The following TAFA1 variants were observed in gnomAD, a reference collection of about 807,000 sequenced individuals.
TAFA1 encodes the protein TAFA chemokine like family member 1.
Under a neutral mutation model 18.5 loss-of-function variants are expected in TAFA1, and 4 were observed. The ratio of observed to expected loss-of-function variants is 0.22; its 90% confidence interval spans 0.11 to 0.49. The LOEUF is 0.49. Among genes scored for constraint, TAFA1 ranks in the 20% least tolerant of loss-of-function variants. TAFA1 has a pLI of 0.98. For missense variants in TAFA1, 147 were observed against 169.0 expected (o/e 0.87, Z 0.72); for synonymous variants, 56 against 55.2 (o/e 1.01, Z -0.06).
chr3:68,465,082 T>C (rs1386074922), intron 3 of TAFA1, among the ~76,000 whole-genome samples: 1 of 152,098 alleles, frequency 6.6e-6, no homozygotes, highest in Non-Finnish European at 1.5e-5. Flanking sequence ...GGCGTGGGCA[T>C]GTGGCTTTAT....
intron 2 of TAFA1, among the ~76,000 whole-genome samples, chr3:68,393,319 C>A (rs1041634588): frequency 2.0e-5 from 3 of 151,802 alleles, no homozygotes; most frequent in African/African-American, 7.3e-5. Flanking sequence ...GAAGTCAAAT[C>A]CCTGAATAGA....
intron 2 of TAFA1, among the ~76,000 whole-genome samples, chr3:68,112,588 G>C (rs1206341304): frequency 6.6e-6 from 1 of 151,984 alleles, no homozygotes; most frequent in Non-Finnish European, 1.5e-5. Flanking sequence ...AAAGATGCCT[G>C]CTATAAACAT....
chr3:68,496,248 T>C (rs2137181), intron 3 of TAFA1, among the ~76,000 whole-genome samples: 29,039 of 152,060 alleles, frequency 0.19, 2,896 homozygotes, highest in Non-Finnish European at 0.21. Flanking sequence ...TTCCAGAAGA[T>C]GCTGTTTCTA....
chr3:68,516,398 T>C (rs2072920724), intron 3 of TAFA1, among the ~76,000 whole-genome samples: 1 of 152,222 alleles, frequency 6.6e-6, no homozygotes, highest in African/African-American at 2.4e-5. Flanking sequence ...AACTGAGCTG[T>C]CCTTCAAGAA....
At chr3:68,155,009 C>A (rs897114661) in intron 2 of TAFA1, among the ~76,000 whole-genome samples, 4 of 152,106 alleles carry the variant, frequency 2.6e-5, no homozygotes, top group African/African-American at 9.7e-5. Flanking sequence ...CGGGGTTATG[C>A]CTTATCAACA....
chr3:68,238,654 T>G (rs1440081197), intron 2 of TAFA1, among the ~76,000 whole-genome samples: 1 of 152,208 alleles, frequency 6.6e-6, no homozygotes. Context: ...ATTGTTTTGT[T>G]AATCCTTTCC....
intron 3 of TAFA1, among the ~76,000 whole-genome samples, chr3:68,418,942 G>A (rs1488124943): frequency 1.3e-5 from 2 of 152,206 alleles, no homozygotes; most frequent in Non-Finnish European, 2.9e-5. Flanking sequence ...TTAAACTTAC[G>A]AGGTTCTGGC....
chr3:68,093,312 C>A (rs2065049613), intron 2 of TAFA1, among the ~76,000 whole-genome samples: 1 of 152,090 alleles, frequency 6.6e-6, no homozygotes, highest in South Asian at 2.1e-4. Flanking sequence ...CCTACTTCCT[C>A]TTTCCTGTCC....
At chr3:68,388,649 T>C (rs1048451471) in intron 2 of TAFA1, among the ~76,000 whole-genome samples, 1 of 152,174 alleles carries the variant, frequency 6.6e-6, no homozygotes, top group Non-Finnish European at 1.5e-5. Flanking sequence ...GCTAACAGGA[T>C]CTTTGTTTTG....
chr3:68,405,529 T>C (rs920303075), intron 2 of TAFA1, among the ~76,000 whole-genome samples: 4 of 149,218 alleles, frequency 2.7e-5, no homozygotes, highest in Non-Finnish European at 3.0e-5. Flanking sequence ...CGCCCATCTC[T>C]ACAAAAATAC....
chr3:68,445,388 T>G (rs1236383337), intron 3 of TAFA1, among the ~76,000 whole-genome samples: 3 of 152,170 alleles, frequency 2.0e-5, no homozygotes, highest in African/African-American at 7.2e-5. Context: ...CACTGAAGGA[T>G]TATCTACTTT....
intron 2 of TAFA1, among the ~76,000 whole-genome samples, chr3:68,340,002 T>C (rs1210946539): frequency 6.6e-6 from 1 of 152,256 alleles, no homozygotes; most frequent in African/African-American, 2.4e-5. Flanking sequence ...TCCTATCCTT[T>C]TTATTTTCTT....
chr3:68,308,681 A>G (rs571214161), intron 2 of TAFA1, among the ~76,000 whole-genome samples: 1 of 152,270 alleles, frequency 6.6e-6, no homozygotes, highest in East Asian at 1.9e-4. Context: ...TGTCATTCTC[A>G]TCAAATGATT....
chr3:68,520,021 T>C (rs752404536), intron 3 of TAFA1, among the ~76,000 whole-genome samples: 2 of 152,192 alleles, frequency 1.3e-5, no homozygotes, highest in Non-Finnish European at 2.9e-5. Context: ...AGGAAGGGGA[T>C]CGTATGACCA....
intron 2 of TAFA1, among the ~76,000 whole-genome samples, chr3:68,410,705 C>CAAA (rs34714719): frequency 0.32 from 11,663 of 36,614 alleles, 4,088 homozygotes; most frequent in Non-Finnish European, 0.39. Context: ...TTTCCATAAG[C>CAAA]AAAAAAAAAA....
chr3:68,046,249 T>C (rs1705265633), intron 2 of TAFA1, among the ~76,000 whole-genome samples: 1 of 146,470 alleles, frequency 6.8e-6, no homozygotes, highest in African/African-American at 2.4e-5. Flanking sequence ...GTCTAGATGA[T>C]TTTTTTTGTA....
intron 1 of TAFA1, chr3:68,006,329 G>C (rs1704355774): frequency 3.3e-6 from 1 of 303,402 alleles, no homozygotes; most frequent in South Asian, 5.6e-5. Context: ...AGGATTTTTA[G>C]TCAGCATGCA....
chr3:68,431,484 GTTA>G (rs2071170873), intron 3 of TAFA1, among the ~76,000 whole-genome samples: 1 of 151,950 alleles, frequency 6.6e-6, no homozygotes, highest in African/African-American at 2.4e-5. Flanking sequence ...GGGTACTATT[GTTA>G]TTATCCCCAT....
intron 3 of TAFA1, among the ~76,000 whole-genome samples, chr3:68,448,578 A>C (rs1013943701): frequency 6.6e-6 from 1 of 152,084 alleles, no homozygotes; most frequent in Non-Finnish European, 1.5e-5. Context: ...GCTTAATTGC[A>C]GTTAAAGGTT....
Sources: allele counts gnomAD v4.1 joint callset (sites outside exome capture counted in the v4.1 genomes callset), GRCh38; gene constraint gnomAD v4.1.1; transcripts MANE v1.5; gene names NCBI Gene and HGNC (gene_info 2026-07-23, HGNC 2026-07-21).